The following TPO variants were observed in gnomAD, a reference collection of about 807,000 sequenced individuals.
The protein encoded by TPO is thyroid peroxidase.
TPO carries 78 observed loss-of-function variants against 96.9 expected under a neutral mutation model. That is an observed-to-expected ratio of 0.81 (90% confidence interval 0.67 to 0.97). The LOEUF (loss-of-function observed/expected upper bound fraction) is 0.97, where lower values mean the gene tolerates loss of function less well. Ranked by LOEUF, TPO falls within the 50% of genes least tolerant of loss-of-function variation. The pLI is 0.00. For missense variants in TPO, 1,252 were observed against 1,274.8 expected, an observed-to-expected ratio of 0.98 and a Z score of 0.27; for synonymous variants, 547 against 538.0, an observed-to-expected ratio of 1.02 and a Z score of -0.23.
At chr2:1,463,329 A>G (rs572424175) in intron 7 of TPO, among the ~76,000 whole-genome samples, 51 of 152,346 alleles carry the variant, frequency 3.3e-4, no homozygotes, top group African/African-American at 1.2e-3. Context: ...CTCTAGGAGT[A>G]GCTCCATAAA....
intron 5 of TPO, among the ~76,000 whole-genome samples, chr2:1,450,797 GTAATC>G (rs1180545650): frequency 6.6e-6 from 1 of 152,172 alleles, no homozygotes; most frequent in Admixed American, 6.5e-5. Flanking sequence ...TTTTAATTGA[GTAATC>G]TAACACCTCC....
At chr2:1,497,406 G>A (rs1158954417) in intron 13 of TPO, among the ~76,000 whole-genome samples, 1 of 152,220 alleles carries the variant, frequency 6.6e-6, no homozygotes, top group Non-Finnish European at 1.5e-5. Flanking sequence ...GCCTCCCGGG[G>A]GGAGAGCCGT....
chr2:1,526,902 GTGTGCAACCTCCCCAAATCCCCTCCACTC>G (rs1383133822), intron 15 of TPO, among the ~76,000 whole-genome samples: 6 of 130,510 alleles, frequency 4.6e-5, no homozygotes, highest in Admixed American at 8.1e-5. Flanking sequence ...ATCCCCCGGT[GTGTGCAACCTCCCCAAATCCCCTCCACTC>G]TGTGCAACCT....
At position 1,478,287 on chromosome 2, in the gene TPO, C is replaced by T. The variant is rs900118501; in HGVS notation, c.1338+683C>T. 4.7e-5 allele frequency: 46 copies of T among 985,318 alleles called. No individual in the cohort carries two copies. In the African/African-American group the frequency reaches 6.3e-4, roughly 13 times the overall value. The allele number at this position is 985,318 out of a possible 1,614,324, so 61.0% of individuals were successfully genotyped here. On this transcript the variant is annotated intron_variant, in intron 8 of 16. Transcript: ENST00000329066. ...GCGGTCCCTGACTCTAGGGGTCTCA[C>T]AGGTTGTTAGGAAGAAGGATGGGCT...
chr2:1,488,931 C>G (rs1404777807), intron 10 of TPO, among the ~76,000 whole-genome samples: 3 of 152,190 alleles, frequency 2.0e-5, no homozygotes, highest in African/African-American at 7.2e-5. Flanking sequence ...CTATGTGTGT[C>G]AGGATAACGC....
upstream of TPO, among the ~76,000 whole-genome samples, chr2:1,408,588 A>C (rs1449274636): frequency 6.6e-6 from 1 of 152,188 alleles, no homozygotes; most frequent in Admixed American, 6.5e-5. Context: ...AGTTAAAGCC[A>C]TGTGCTCCTG....
intron 14 of TPO, among the ~76,000 whole-genome samples, chr2:1,507,074 A>T (rs1194425206): frequency 1.3e-5 from 2 of 152,156 alleles, no homozygotes; most frequent in Non-Finnish European, 2.9e-5. Flanking sequence ...AGGTGTAAGG[A>T]AGGGATCCAG....
chr2:1,449,145 T>A (rs1667100613), intron 5 of TPO, among the ~76,000 whole-genome samples: 1 of 152,316 alleles, frequency 6.6e-6, no homozygotes, highest in Non-Finnish European at 1.5e-5. Context: ...CATATGGGTA[T>A]TTAAGTTATT....
intron 4 of TPO, among the ~76,000 whole-genome samples, chr2:1,435,654 A>T (rs1465850362): frequency 2.0e-5 from 3 of 152,216 alleles, no homozygotes; most frequent in Non-Finnish European, 4.4e-5. Flanking sequence ...TATAAATTAT[A>T]GTGACAGAAT....
chr2:1,391,609 A>C (rs1357990869), intron 1 of TPO, among the ~76,000 whole-genome samples: 2 of 152,176 alleles, frequency 1.3e-5, no homozygotes, highest in Non-Finnish European at 2.9e-5. Context: ...CTTGGGCAGT[A>C]TGGCCATTTT....
chr2:1,435,304 A>C (rs2148497569), intron 4 of TPO, among the ~76,000 whole-genome samples: 1 of 152,340 alleles, frequency 6.6e-6, no homozygotes, highest in Non-Finnish European at 1.5e-5. Flanking sequence ...GTCAAGAAGA[A>C]TCTGTGCTCA....
chr2:1,427,693 A>G (rs1664562301), intron 3 of TPO, among the ~76,000 whole-genome samples: 1 of 152,150 alleles, frequency 6.6e-6, no homozygotes, highest in South Asian at 2.1e-4. Flanking sequence ...GGTCCGGGAG[A>G]CCAGAGGCCG....
At chr2:1,425,465 G>A (rs1664261231) in intron 3 of TPO, among the ~76,000 whole-genome samples, 1 of 151,874 alleles carries the variant, frequency 6.6e-6, no homozygotes, top group Admixed American at 6.6e-5. Flanking sequence ...ATACAGAGAT[G>A]CGTTAGATCA....
At chr2:1,473,692 ATTTTCT>A (rs1250024267) in intron 7 of TPO, among the ~76,000 whole-genome samples, 1 of 151,900 alleles carries the variant, frequency 6.6e-6, no homozygotes, top group Non-Finnish European at 1.5e-5. Flanking sequence ...ATGTTTTATG[ATTTTCT>A]TTTTGTAGAT....
chr2:1,540,744 T>C (rs1680655787), intron 16 of TPO, 21 bp downstream of exon 16: 2 of 1,613,118 alleles, frequency 1.2e-6, no homozygotes, highest in Admixed American at 1.7e-5. Context: ...CCATGCCGCA[T>C]GTTTCCAGCT....
intron 15 of TPO, 73 bp from the exon 16 acceptor site, chr2:1,540,521 G>T: frequency 6.2e-7 from 1 of 1,602,926 alleles, no homozygotes; most frequent in Non-Finnish European, 8.5e-7. Context: ...GCCGTCGCTC[G>T]TGCCGTGCTC....
chr2:1,525,070 A>AC (rs1335085396), intron 15 of TPO, among the ~76,000 whole-genome samples: 4 of 49,086 alleles, frequency 8.1e-5, no homozygotes, highest in East Asian at 6.6e-4. Context: ...ACTGTGTGCA[A>AC]CCCCCCCAAA....
At chr2:1,532,475 TC>T (rs1395816836) in intron 15 of TPO, among the ~76,000 whole-genome samples, 15 of 83,654 alleles carry the variant, frequency 1.8e-4, no homozygotes, top group Admixed American at 1.6e-3. Context: ...CCTCCTCAAA[TC>T]CCCCCCACAG....
At chr2:1,462,337 G>T (rs986858439) in intron 7 of TPO, among the ~76,000 whole-genome samples, 1 of 152,250 alleles carries the variant, frequency 6.6e-6, no homozygotes, top group South Asian at 2.1e-4. Flanking sequence ...CAAACTCAGG[G>T]CACAGACAAG....
Sources: gnomAD v4.1 joint callset for allele counts (sites outside exome capture counted in the v4.1 genomes callset) on GRCh38, gnomAD v4.1.1 for gene constraint, MANE v1.5 for transcripts, NCBI Gene and HGNC (gene_info 2026-07-23, HGNC 2026-07-21) for gene names.